TTC8: variants seen among roughly 807,000 people sequenced by gnomAD.
TTC8 encodes the protein tetratricopeptide repeat domain 8, also known as tetratricopeptide repeat protein 8.
In TTC8, 47 loss-of-function variants were observed where a neutral mutation model predicts 72.5. The observed-to-expected ratio is 0.65, with a 90% confidence interval of 0.51 to 0.83. TTC8 has a LOEUF of 0.83. Ranked by LOEUF, TTC8 falls within the 40% of genes least tolerant of loss-of-function variation. The pLI is 0.00. For synonymous variants in TTC8, 199 were observed against 221.4 expected (o/e 0.90, Z 0.90); for missense variants, 611 against 623.2 (o/e 0.98, Z 0.21).
At chr14:88,873,584 G>T (rs117488353) in intron 13 of TTC8, among the ~76,000 whole-genome samples, 5,873 of 152,200 alleles carry the variant, frequency 0.039, 136 homozygotes, top group Middle Eastern at 0.099. Flanking sequence ...AATATTTGTG[G>T]AATGAATGGA....
At chr14:88,831,071 C>T (rs894110496) in intron 1 of TTC8, 11 of 343,362 alleles carry the variant, frequency 3.2e-5, no homozygotes, top group South Asian at 8.9e-5. Context: ...CTGGTCACAA[C>T]ACGGCTGACC....
At position 88,875,019 on chromosome 14, in the gene TTC8, T is replaced by A; in HGVS notation, c.1348-7T>A. 1 of 1,609,388 alleles carries A rather than the reference T, an allele frequency of 6.2e-7. No homozygotes were observed. Among genetic ancestry groups the A allele is most frequent in the Non-Finnish European group, 8.5e-7 (1 of 1,178,040 alleles). ...TTGGTTTTTCTTTTCTTTATTTTTA[T>A]ACACAGGCAAGGGCACTATTACAAA... On this transcript the variant is annotated splice_region_variant and splice_polypyrimidine_tract_variant and intron_variant, in intron 13 of 14. Transcript: ENST00000380656.
At chr14:88,833,776 G>T in intron 2 of TTC8, 54 bp downstream of exon 2, 1 of 1,542,020 alleles carries the variant, frequency 6.5e-7, no homozygotes, top group Non-Finnish European at 9.0e-7. Flanking sequence ...TAATGCTATT[G>T]CTTAGTTGTT....
intron 1 of TTC8, among the ~76,000 whole-genome samples, chr14:88,828,735 G>A (rs76064559): frequency 2.6e-5 from 4 of 151,952 alleles, no homozygotes; most frequent in Admixed American, 2.6e-4. Flanking sequence ...TTTATAAGCT[G>A]GTCCAGGGAG....
chr14:88,868,061 C>G (rs548522470), intron 10 of TTC8, among the ~76,000 whole-genome samples: 2 of 152,190 alleles, frequency 1.3e-5, no homozygotes, highest in South Asian at 4.1e-4. Context: ...GAGGTCAGAC[C>G]ATTAGCTTGA....
intron 10 of TTC8, among the ~76,000 whole-genome samples, chr14:88,862,619 G>A (rs1245392667): frequency 1.9e-5 from 2 of 105,098 alleles, no homozygotes; most frequent in Non-Finnish European, 3.7e-5. Flanking sequence ...TTCTCACTCT[G>A]TTGCCCAGGC....
At chr14:88,824,555 TTC>T, upstream of TTC8, 1 of 615,792 alleles carries the variant, frequency 1.6e-6, no homozygotes, top group South Asian at 1.9e-5. Context: ...GCGGTTGTTT[TTC>T]TTTTTCCTGT....
chr14:88,844,723 T>C (rs951582149), intron 7 of TTC8, among the ~76,000 whole-genome samples: 7 of 151,828 alleles, frequency 4.6e-5, no homozygotes, highest in Non-Finnish European at 1.0e-4. Context: ...TTTTTTTTTT[T>C]TAATTATCTG....
chr14:88,870,290 T>C, intron 11 of TTC8, 92 bp downstream of exon 11: 1 of 1,382,750 alleles, frequency 7.2e-7, no homozygotes, highest in Non-Finnish European at 1.0e-6. Flanking sequence ...AGAAATAAGG[T>C]ATAGGCCATG....
At chr14:88,832,807 C>A (rs1401406882) in intron 1 of TTC8, among the ~76,000 whole-genome samples, 3 of 152,134 alleles carry the variant, frequency 2.0e-5, no homozygotes, top group Non-Finnish European at 4.4e-5. Flanking sequence ...TTGGTAGGTG[C>A]ACTGGAGTTG....
intron 1 of TTC8, chr14:88,831,020 C>T (rs1390573029): frequency 9.9e-6 from 4 of 405,010 alleles, no homozygotes; most frequent in Admixed American, 9.2e-5. Flanking sequence ...TCAAATACTG[C>T]CTCTATACCT....
intron 13 of TTC8, 109 bp downstream of exon 13, chr14:88,872,561 G>C: frequency 6.7e-7 from 1 of 1,484,606 alleles, no homozygotes. Context: ...TCTAGAATCT[G>C]ACAGGCGTGG....
intron 6 of TTC8, among the ~76,000 whole-genome samples, chr14:88,842,615 T>G (rs568772567): frequency 6.6e-6 from 1 of 152,328 alleles, no homozygotes; most frequent in South Asian, 2.1e-4. Context: ...TGCTATTTTT[T>G]GACCAGAGAG....
chr14:88,865,996 A>G (rs960664696), intron 10 of TTC8, among the ~76,000 whole-genome samples: 2 of 152,084 alleles, frequency 1.3e-5, no homozygotes, highest in Non-Finnish European at 2.9e-5. Context: ...TAGTTTAAAA[A>G]TAGAGCTGGA....
intron 13 of TTC8, among the ~76,000 whole-genome samples, chr14:88,873,778 G>A (rs1422109809): frequency 1.3e-5 from 2 of 152,162 alleles, no homozygotes; most frequent in Non-Finnish European, 2.9e-5. Flanking sequence ...TACAATGTTA[G>A]CAGCCATCAA....
chr14:88,833,510 T>G (rs2094736006), intron 1 of TTC8, among the ~76,000 whole-genome samples, 183 bp from the exon 2 acceptor site: 1 of 152,234 alleles, frequency 6.6e-6, no homozygotes, highest in South Asian at 2.1e-4. Flanking sequence ...TTTAGCATTC[T>G]TCAATGTATA....
At position 88,841,174 on chromosome 14, in the gene TTC8, G is replaced by C; in HGVS notation, c.467G>C (p.Gly156Ala). The C allele has an allele frequency of 1.9e-6, 3 of 1,614,014 alleles. No individual in the cohort carries two copies. The highest frequency in any genetic ancestry group is 2.5e-6 in the Non-Finnish European group (3 of 1,179,988). Residue 156 changes from glycine (G) to alanine (A), a missense_variant, in exon 5 of 15, where the codon GGA (glycine) becomes GCA (alanine). By Grantham distance (60) the Gly-to-Ala change is moderately conservative (BLOSUM62 0). Coordinates refer to ENST00000380656, the MANE Select transcript of TTC8 (RefSeq NM_144596.4). ...GCCCGCCCTATCACCAGCTCCTCCGGAAGATTTGTCAGGCTGGGAACGGTA... is the reference window on the plus strand; with the variant it reads ...GCCCGCCCTATCACCAGCTCCTCCGCAAGATTTGTCAGGCTGGGAACGGTA... ...YTARPITSSS[G>A]RFVRLGTASM...
intron 1 of TTC8, among the ~76,000 whole-genome samples, chr14:88,827,823 G>A (rs1385154209): frequency 6.6e-6 from 1 of 152,166 alleles, no homozygotes; most frequent in Non-Finnish European, 1.5e-5. Flanking sequence ...AAGAGCTTTA[G>A]GAAGGAAGCT....
Position 88,844,980 on chromosome 14 carries a change from ATAGT to A in TTC8, c.624+1133_624+1136del, listed in dbSNP as rs529268096. ...AAGAAATAAAATGGACATAAATGAA[ATAGT>A]TAAAGAGGTAATTGTCAAACTGTGA... On this transcript the variant is annotated intron_variant, in intron 7 of 14. Coordinates refer to ENST00000380656, the MANE Select transcript of TTC8 (RefSeq NM_144596.4). 9.8e-5 allele frequency among the ~76,000 whole-genome samples: 15 copies of A among 152,336 alleles called. No individual in the cohort carries two copies. In the South Asian group the frequency reaches 1.5e-3, roughly 15 times the overall value.
Sources: allele counts gnomAD v4.1 joint callset (sites outside exome capture counted in the v4.1 genomes callset), GRCh38; gene constraint gnomAD v4.1.1; transcripts MANE v1.5; gene names NCBI Gene and HGNC (gene_info 2026-07-23, HGNC 2026-07-21).